Variants in ANAPC1 observed in about 807,000 individuals in gnomAD.
ANAPC1 encodes the protein anaphase promoting complex subunit 1.
ANAPC1 carries 36 observed loss-of-function variants against 208.0 expected under a neutral mutation model. The observed-to-expected ratio is 0.17, with a 90% CI of 0.13 to 0.23. The LOEUF is 0.23. ANAPC1 is among the 10% of genes least tolerant of loss of function. The pLI, the probability that ANAPC1 is intolerant of heterozygous loss-of-function variation, is 1.00. For synonymous variants in ANAPC1, 378 were observed against 695.2 expected (o/e 0.54, Z 7.18); for missense variants, 942 against 2,011.6 (o/e 0.47, Z 10.17).
intron 27 of ANAPC1, 105 bp downstream of exon 27, chr2:111,818,734 TG>T: frequency 2.0e-6 from 1 of 500,632 alleles, no homozygotes; most frequent in South Asian, 2.1e-5. Flanking sequence ...TTTAAATCAC[TG>T]GGGATAGAGG....
intron 3 of ANAPC1, among the ~76,000 whole-genome samples, chr2:111,875,784 G>A (rs532790236): frequency 5.3e-5 from 8 of 152,226 alleles, no homozygotes; most frequent in Non-Finnish European, 1.0e-4. Context: ...CCCACACTTC[G>A]TGTACAGCCA....
chr2:111,834,595 C>A lies in ANAPC1; in HGVS notation c.2384+9G>T, dbSNP rs774348717. The A allele has an allele frequency of 8.9e-6, 14 of 1,566,148 alleles. No individual in the cohort carries two copies. In the East Asian group the frequency reaches 3.0e-4, roughly 34 times the overall value. On this transcript the variant is annotated intron_variant, in intron 19 of 47. Transcript: ENST00000341068. ...TTCCTGGCAGTTTCTAACCTACAAA[C>A]AAATTTACCTTGCCAACTGAACGAG...
At chr2:111,840,485 CT>C (rs1338119369) in intron 17 of ANAPC1, among the ~76,000 whole-genome samples, 1 of 152,090 alleles carries the variant, frequency 6.6e-6, no homozygotes, top group Non-Finnish European at 1.5e-5. Flanking sequence ...AAGCCATGTC[CT>C]TCTCTGCAAA....
At chr2:111,878,449 G>A (rs1030226816) in intron 3 of ANAPC1, among the ~76,000 whole-genome samples, 2 of 152,000 alleles carry the variant, frequency 1.3e-5, no homozygotes, top group South Asian at 2.1e-4. Flanking sequence ...TGAATCCCAC[G>A]ATTTTTATTT....
intron 1 of ANAPC1, among the ~76,000 whole-genome samples, chr2:111,883,689 G>C (rs71414610): frequency 0.19 from 28,540 of 152,164 alleles, 3,242 homozygotes; most frequent in Middle Eastern, 0.32. Flanking sequence ...GAAAGCTGAG[G>C]CTGCACATGG....
chr2:111,829,689 C>CA (rs1319741688), intron 21 of ANAPC1, among the ~76,000 whole-genome samples: 12 of 150,074 alleles, frequency 8.0e-5, no homozygotes, highest in Non-Finnish European at 1.3e-4. Flanking sequence ...TAGAGGTAAA[C>CA]AAAAAATAAT....
At chr2:111,810,222 C>T (rs917510276) in intron 28 of ANAPC1, among the ~76,000 whole-genome samples, 8 of 150,498 alleles carry the variant, frequency 5.3e-5, no homozygotes, top group African/African-American at 2.0e-4. Flanking sequence ...TATATGACTC[C>T]GTTCACATGA....
intron 17 of ANAPC1, among the ~76,000 whole-genome samples, chr2:111,841,753 G>A (rs114746797): frequency 0.022 from 3,288 of 152,230 alleles, 109 homozygotes; most frequent in African/African-American, 0.074. Flanking sequence ...CAGGATTACT[G>A]TGGCCACTGG....
chr2:111,801,280 C>A (rs180707363), intron 33 of ANAPC1, among the ~76,000 whole-genome samples: 6,723 of 150,738 alleles, frequency 0.045, 205 homozygotes, highest in Non-Finnish European at 0.064. Flanking sequence ...TAGCTTGAAC[C>A]CAGGAGGCAA....
chr2:111,788,967 T>C (rs1213731824), intron 38 of ANAPC1, among the ~76,000 whole-genome samples: 3 of 152,186 alleles, frequency 2.0e-5, no homozygotes, highest in African/African-American at 7.2e-5. Flanking sequence ...TGAAACCCCA[T>C]CTCTACTAAA....
chr2:111,773,811 G>A (rs1481148420), intron 46 of ANAPC1, among the ~76,000 whole-genome samples: 8 of 152,012 alleles, frequency 5.3e-5, no homozygotes, highest in South Asian at 4.1e-4. Flanking sequence ...AGCAAGTGGT[G>A]TAAAAGAGGC....
intron 18 of ANAPC1, among the ~76,000 whole-genome samples, chr2:111,837,993 G>A (rs1490313981): frequency 1.3e-5 from 2 of 149,048 alleles, no homozygotes; most frequent in South Asian, 2.1e-4. Flanking sequence ...GCTGAGGCAG[G>A]AGAACTGCTT....
intron 16 of ANAPC1, among the ~76,000 whole-genome samples, chr2:111,844,007 A>G (rs1175457400): frequency 2.6e-5 from 4 of 151,796 alleles, no homozygotes; most frequent in Non-Finnish European, 5.9e-5. Context: ...TATTTTTAGT[A>G]GAGACCATGT....
chr2:111,825,202 G>T (rs373735901), intron 22 of ANAPC1, 35 bp from the exon 23 acceptor site: 1 of 1,609,040 alleles, frequency 6.2e-7, no homozygotes, highest in Non-Finnish European at 8.5e-7. Context: ...AATTTTGATA[G>T]TCATCCTGGT....
chr2:111,802,214 T>C (rs532853140), intron 33 of ANAPC1, among the ~76,000 whole-genome samples: 108 of 152,276 alleles, frequency 7.1e-4, no homozygotes, highest in Non-Finnish European at 1.4e-3. Context: ...AAAGGCTCTC[T>C]TGTAAAGACA....
chr2:111,874,020 C>T (rs1682899973), intron 3 of ANAPC1, among the ~76,000 whole-genome samples: 1 of 152,116 alleles, frequency 6.6e-6, no homozygotes, highest in African/African-American at 2.4e-5. Context: ...ATACTAAACC[C>T]TATATCCTCT....
intron 10 of ANAPC1, among the ~76,000 whole-genome samples, chr2:111,862,132 A>G (rs1682102383): frequency 6.6e-6 from 1 of 151,272 alleles, no homozygotes; most frequent in Non-Finnish European, 1.5e-5. Context: ...TCGAACTCCT[A>G]GGCTCAAGTG....
At chr2:111,882,493 G>A (rs1683354759) in intron 1 of ANAPC1, among the ~76,000 whole-genome samples, 3 of 151,988 alleles carry the variant, frequency 2.0e-5, no homozygotes, top group Admixed American at 2.0e-4. Flanking sequence ...ACTTTGGGAG[G>A]CTGAGGCGCG....
At chr2:111,822,953 A>G (rs1679613217) in intron 24 of ANAPC1, among the ~76,000 whole-genome samples, 1 of 151,508 alleles carries the variant, frequency 6.6e-6, no homozygotes, top group Non-Finnish European at 1.5e-5. Context: ...AAGCCAATCA[A>G]TACTAAATGT....
Sources: allele counts gnomAD v4.1 joint callset (sites outside exome capture counted in the v4.1 genomes callset), GRCh38; gene constraint gnomAD v4.1.1; transcripts MANE v1.5; gene names NCBI Gene and HGNC (gene_info 2026-07-23, HGNC 2026-07-21).